ADAMTSL3: variants seen among roughly 807,000 people sequenced by gnomAD.
The protein encoded by ADAMTSL3 is ADAMTS like 3.
Under a neutral mutation model 201.7 loss-of-function variants are expected in ADAMTSL3, and 128 were observed. The ratio of observed to expected loss-of-function variants is 0.63; its 90% CI spans 0.55 to 0.73. The LOEUF (loss-of-function observed/expected upper bound fraction) is 0.73. ADAMTSL3 is among the 30% of genes least tolerant of loss of function. ADAMTSL3 has a pLI of 0.00. For missense variants in ADAMTSL3, 1,990 were observed against 2,119.6 expected (o/e 0.94, Z 1.20); for synonymous variants, 738 against 748.4 (o/e 0.99, Z 0.23).
chr15:83,929,354 G>A (rs1473873186), intron 17 of ADAMTSL3, among the ~76,000 whole-genome samples: 1 of 152,098 alleles, frequency 6.6e-6, no homozygotes, highest in East Asian at 1.9e-4. Context: ...TTGGTTCCAT[G>A]GCTTTCTCCT....
At chr15:83,813,770 A>G (rs1159032544) in intron 5 of ADAMTSL3, among the ~76,000 whole-genome samples, 1 of 152,178 alleles carries the variant, frequency 6.6e-6, no homozygotes, top group Non-Finnish European at 1.5e-5. Flanking sequence ...GCTGATCAGC[A>G]CTTAGCATAT....
chr15:83,722,233 C>G (rs1355208750), intron 3 of ADAMTSL3, among the ~76,000 whole-genome samples: 1 of 152,210 alleles, frequency 6.6e-6, no homozygotes, highest in South Asian at 2.1e-4. Flanking sequence ...GGGATAAGGA[C>G]AGGGAAATAA....
At chr15:83,691,195 C>T (rs1436899379) in intron 2 of ADAMTSL3, among the ~76,000 whole-genome samples, 1 of 152,134 alleles carries the variant, frequency 6.6e-6, no homozygotes, top group Non-Finnish European at 1.5e-5. Context: ...TATTTTTCTC[C>T]TCAGGGAACT....
chr15:83,905,673 A>T (rs577843433), intron 15 of ADAMTSL3, among the ~76,000 whole-genome samples: 1 of 152,238 alleles, frequency 6.6e-6, no homozygotes, highest in African/African-American at 2.4e-5. Flanking sequence ...TTTATTTCCA[A>T]TTATTCACAA....
At chr15:83,677,161 A>C (rs1264955931) in intron 2 of ADAMTSL3, among the ~76,000 whole-genome samples, 2 of 152,164 alleles carry the variant, frequency 1.3e-5, no homozygotes, top group African/African-American at 4.8e-5. Flanking sequence ...TAATCCTTTT[A>C]AATTCACTGA....
chr15:83,903,954 A>AGGAAGGAAGGAAGG (rs1258829960), intron 15 of ADAMTSL3, among the ~76,000 whole-genome samples: 9 of 57,626 alleles, frequency 1.6e-4, no homozygotes, highest in African/African-American at 3.1e-4. Flanking sequence ...AGAAAAAAGA[A>AGGAAGGAAGGAAGG]AGAAAGAAAG....
rs904176429 is a variant in ADAMTSL3, at chr15:83,903,743, C to G, written c.1700+4012C>G. ...GACCAGGCTGGCCAACATGGTAAAA[C>G]CCTGTCTCTACTAAAAATACAAAAA... On this transcript the variant is annotated intron_variant, in intron 15 of 29. Coordinates refer to ENST00000286744, the MANE Select transcript of ADAMTSL3 (RefSeq NM_207517.3). Among the ~76,000 whole-genome samples the G allele has an allele frequency of 5.3e-5, 8 of 151,222 alleles. No individual in the cohort carries two copies. The South Asian group carries it at 6.3e-4, about 12-fold the overall frequency.
At chr15:84,014,832 G>C in intron 24 of ADAMTSL3, 108 bp downstream of exon 24, 1 of 1,145,560 alleles carries the variant, frequency 8.7e-7, no homozygotes. Context: ...ACATCAGATG[G>C]TTTTAACCAT....
intron 27 of ADAMTSL3, among the ~76,000 whole-genome samples, chr15:84,029,588 T>C (rs1376954127): frequency 6.6e-6 from 1 of 152,120 alleles, no homozygotes; most frequent in African/African-American, 2.4e-5. Flanking sequence ...AAGCAGAGCA[T>C]AAAAGTTTGG....
intron 4 of ADAMTSL3, among the ~76,000 whole-genome samples, chr15:83,778,678 G>A (rs2063119320): frequency 6.6e-6 from 1 of 152,128 alleles, no homozygotes; most frequent in East Asian, 1.9e-4. Flanking sequence ...GAAGAATACA[G>A]ACCAGTGACA....
intron 21 of ADAMTSL3, among the ~76,000 whole-genome samples, chr15:83,985,019 A>G (rs1218664371): frequency 6.6e-6 from 1 of 152,230 alleles, no homozygotes; most frequent in Non-Finnish European, 1.5e-5. Flanking sequence ...CTGAAACTAT[A>G]TTAATGAAAT....
chr15:83,759,147 A>T (rs1450305522), intron 3 of ADAMTSL3, among the ~76,000 whole-genome samples: 1 of 152,154 alleles, frequency 6.6e-6, no homozygotes, highest in Non-Finnish European at 1.5e-5. Flanking sequence ...GAAATAGAAA[A>T]GTTAAGAGAC....
intron 8 of ADAMTSL3, among the ~76,000 whole-genome samples, chr15:83,864,132 A>T (rs1020997238): frequency 6.6e-6 from 1 of 152,196 alleles, no homozygotes; most frequent in African/African-American, 2.4e-5. Flanking sequence ...TAGCCTACCA[A>T]CCAAAAAAAG....
intron 23 of ADAMTSL3, among the ~76,000 whole-genome samples, chr15:84,000,997 T>C (rs554245202): frequency 4.6e-5 from 7 of 152,310 alleles, no homozygotes; most frequent in Admixed American, 2.6e-4. Context: ...TGTGAACCAA[T>C]CTGTATTTCA....
chr15:83,984,932 T>G (rs1241618083), intron 21 of ADAMTSL3, among the ~76,000 whole-genome samples: 2 of 152,238 alleles, frequency 1.3e-5, no homozygotes, highest in Non-Finnish European at 2.9e-5. Flanking sequence ...TCTTTTCAGA[T>G]AATTGTGGAT....
At chr15:83,933,201 G>T (rs894274007) in intron 17 of ADAMTSL3, among the ~76,000 whole-genome samples, 1 of 152,120 alleles carries the variant, frequency 6.6e-6, no homozygotes, top group African/African-American at 2.4e-5. Context: ...CCAGAATAAA[G>T]CATGGAGAAT....
At chr15:83,994,409 A>C (rs1037075608) in intron 23 of ADAMTSL3, among the ~76,000 whole-genome samples, 18 of 152,148 alleles carry the variant, frequency 1.2e-4, no homozygotes, top group African/African-American at 4.3e-4. Flanking sequence ...GAAGCAAATA[A>C]ATCAAGTTTA....
At chr15:83,674,599 TC>T (rs2061368677) in intron 2 of ADAMTSL3, among the ~76,000 whole-genome samples, 1 of 150,846 alleles carries the variant, frequency 6.6e-6, no homozygotes. Context: ...TCTTTGCATT[TC>T]CATGTAAGTT....
At chr15:83,824,524 T>A (rs747222959) in intron 6 of ADAMTSL3, among the ~76,000 whole-genome samples, 1 of 152,196 alleles carries the variant, frequency 6.6e-6, no homozygotes, top group South Asian at 2.1e-4. Flanking sequence ...GCCTCACTCT[T>A]GGTGTTGTAA....
Sources: gnomAD v4.1 joint callset for allele counts (sites outside exome capture counted in the v4.1 genomes callset) on GRCh38, gnomAD v4.1.1 for gene constraint, MANE v1.5 for transcripts, NCBI Gene and HGNC (gene_info 2026-07-23, HGNC 2026-07-21) for gene names.